The following ITGBL1 variants were observed in gnomAD, a reference collection of about 807,000 sequenced individuals.
The protein encoded by ITGBL1 is integrin beta-like protein 1.
ITGBL1 carries 51 observed loss-of-function variants against 68.5 expected under a neutral mutation model. That is an observed-to-expected ratio of 0.74 (90% CI 0.59 to 0.94). The LOEUF (loss-of-function observed/expected upper bound fraction) is 0.94. Among genes scored for constraint, ITGBL1 ranks in the 40% least tolerant of loss-of-function variants. ITGBL1 has a pLI of 0.00. For synonymous variants in ITGBL1, 209 were observed against 227.3 expected, an observed-to-expected ratio of 0.92 and a Z score of 0.72; for missense variants, 649 against 647.4, an observed-to-expected ratio of 1.00 and a Z score of -0.03.
intron 7 of ITGBL1, among the ~76,000 whole-genome samples, chr13:101,623,606 C>T (rs2031668727): frequency 6.6e-6 from 1 of 152,136 alleles, no homozygotes; most frequent in Non-Finnish European, 1.5e-5. Context: ...ACTCAAATCT[C>T]CTGTTGACTT....
chr13:101,692,420 C>T (rs2033900307), intron 7 of ITGBL1, among the ~76,000 whole-genome samples, 165 bp from the exon 8 acceptor site: 1 of 152,150 alleles, frequency 6.6e-6, no homozygotes, highest in South Asian at 2.1e-4. Context: ...TCTTGAACTT[C>T]AGCTTACCTT....
At chr13:101,534,828 T>A (rs571997084) in intron 2 of ITGBL1, among the ~76,000 whole-genome samples, 1 of 152,082 alleles carries the variant, frequency 6.6e-6, no homozygotes, top group Non-Finnish European at 1.5e-5. Context: ...AATCTGCACA[T>A]AAGTACAATT....
At chr13:101,461,904 G>T (rs2048323387) in intron 2 of ITGBL1, among the ~76,000 whole-genome samples, 1 of 152,160 alleles carries the variant, frequency 6.6e-6, no homozygotes, top group Non-Finnish European at 1.5e-5. Context: ...AGTTCTGTAG[G>T]TCTCAAGGTC....
At chr13:101,549,079 T>C (rs2049876816) in intron 2 of ITGBL1, among the ~76,000 whole-genome samples, 1 of 151,890 alleles carries the variant, frequency 6.6e-6, no homozygotes, top group African/African-American at 2.4e-5. Flanking sequence ...CATAAGATTA[T>C]ACAGAGTTGA....
At position 101,600,697 on chromosome 13, in the gene ITGBL1, A is replaced by G. The variant is rs564967680; in HGVS notation, c.1015+2398A>G. 5.2e-4 allele frequency among the ~76,000 whole-genome samples: 79 copies of G among 152,188 alleles called. No individual in the cohort carries two copies. In the South Asian group the frequency reaches 0.014, roughly 28 times the overall value. On this transcript the variant is annotated intron_variant, in intron 7 of 10. Coordinates refer to ENST00000376180, the MANE Select transcript of ITGBL1 (RefSeq NM_004791.3). Reference sequence around the variant, plus strand: ...CTTTTCTGCATGTATTGAGATAATCATGTGATTTTTGTCTTTGGTTCTGTT... The same window carrying G: ...CTTTTCTGCATGTATTGAGATAATCGTGTGATTTTTGTCTTTGGTTCTGTT...
intron 2 of ITGBL1, among the ~76,000 whole-genome samples, chr13:101,503,293 C>G (rs1264637931): frequency 2.0e-5 from 3 of 152,136 alleles, no homozygotes; most frequent in African/African-American, 7.2e-5. Flanking sequence ...TACTCAGGGT[C>G]AGGGAGTGGT....
intron 7 of ITGBL1, 23 bp from the exon 8 acceptor site, chr13:101,692,562 T>C: frequency 6.6e-7 from 1 of 1,507,184 alleles, no homozygotes. Flanking sequence ...CTCATAAGTG[T>C]GCACTTTCTT....
chr13:101,579,385 C>A lies in ITGBL1; in HGVS notation c.685C>A (p.Arg229=), dbSNP rs768886776. ...CGATATCACCCCCTGGGAAAGCAAG[C>A]GAAGATGCACGTCTCCAGATGGCAA... ...QCDITPWESK[R]RCTSPDGKIC... The change falls in exon 5 of 11, where the codon CGA becomes AGA. Residue 229 remains arginine (R), a synonymous_variant. Transcript: ENST00000376180. The A allele has an allele frequency of 3.1e-6, 5 of 1,613,744 alleles. No homozygotes were observed. In the East Asian group the frequency reaches 6.7e-5, roughly 22 times the overall value.
chr13:101,719,490 C>G (rs1050153915), downstream of ITGBL1: 1 of 152,080 alleles, frequency 6.6e-6, no homozygotes, highest in Non-Finnish European at 1.5e-5. Context: ...CCATTTTGCT[C>G]TTTACATAGG....
chr13:101,521,450 G>A lies in ITGBL1; in HGVS notation c.317-46249G>A, dbSNP rs575297019. Among the ~76,000 whole-genome samples the A allele has an allele frequency of 8.5e-5, 13 of 152,290 alleles. No individual in the cohort carries two copies. The South Asian group carries it at 2.5e-3, about 29-fold the overall frequency. Reference sequence around the variant, plus strand: ...GCCGATGAGAAGCAATTTTAAATTGGGTTGCCAGGGAAGGCCTGCAAATCC... The same window carrying A: ...GCCGATGAGAAGCAATTTTAAATTGAGTTGCCAGGGAAGGCCTGCAAATCC... On this transcript the variant is annotated intron_variant, in intron 2 of 10. Coordinates refer to ENST00000376180, the MANE Select transcript of ITGBL1 (RefSeq NM_004791.3).
chr13:101,576,682 G>A (rs769413739), intron 4 of ITGBL1, among the ~76,000 whole-genome samples: 3 of 152,144 alleles, frequency 2.0e-5, no homozygotes, highest in Non-Finnish European at 2.9e-5. Context: ...CATTTCGGTA[G>A]CTTCAATTCC....
At chr13:101,509,695 A>G (rs2049084550) in intron 2 of ITGBL1, among the ~76,000 whole-genome samples, 1 of 152,162 alleles carries the variant, frequency 6.6e-6, no homozygotes, top group Non-Finnish European at 1.5e-5. Flanking sequence ...GGTTTTAGTG[A>G]TGCACAAAGC....
intron 10 of ITGBL1, 100 bp downstream of exon 10, chr13:101,714,651 C>A: frequency 1.3e-6 from 1 of 742,436 alleles, no homozygotes; most frequent in Non-Finnish European, 2.4e-6. Context: ...CCAACAGGGC[C>A]AACCGTGAAT....
chr13:101,719,290 G>A (rs903274789), downstream of ITGBL1: 1 of 152,034 alleles, frequency 6.6e-6, no homozygotes, highest in African/African-American at 2.4e-5. Context: ...TTAAGCAAGT[G>A]GCTAGGTATG....
At chr13:101,664,385 A>G (rs1444331410) in intron 7 of ITGBL1, among the ~76,000 whole-genome samples, 2 of 152,212 alleles carry the variant, frequency 1.3e-5, no homozygotes, top group Non-Finnish European at 2.9e-5. Context: ...ATCTTGAATC[A>G]AATTATTTAC....
chr13:101,519,150 T>G (rs2049242887), intron 2 of ITGBL1, among the ~76,000 whole-genome samples: 1 of 152,072 alleles, frequency 6.6e-6, no homozygotes, highest in African/African-American at 2.4e-5. Flanking sequence ...CTGGAAATAT[T>G]TTGAAAATAA....
At chr13:101,554,625 C>T (rs2049975917) in intron 2 of ITGBL1, among the ~76,000 whole-genome samples, 1 of 152,212 alleles carries the variant, frequency 6.6e-6, no homozygotes, top group Admixed American at 6.5e-5. Flanking sequence ...TTAACAGCCA[C>T]AAGTGCCTTA....
chr13:101,674,769 C>T (rs1297779117), intron 7 of ITGBL1, among the ~76,000 whole-genome samples: 4 of 151,892 alleles, frequency 2.6e-5, no homozygotes, highest in African/African-American at 9.7e-5. Flanking sequence ...TATGTTATTT[C>T]TGTATCCATG....
At chr13:101,518,663 A>G (rs908789902) in intron 2 of ITGBL1, among the ~76,000 whole-genome samples, 1 of 152,202 alleles carries the variant, frequency 6.6e-6, no homozygotes, top group Non-Finnish European at 1.5e-5. Flanking sequence ...TCCCCCAGGT[A>G]TGTATAATAT....
Sources: allele counts gnomAD v4.1 joint callset (sites outside exome capture counted in the v4.1 genomes callset), GRCh38; gene constraint gnomAD v4.1.1; transcripts MANE v1.5; gene names NCBI Gene and HGNC (gene_info 2026-07-23, HGNC 2026-07-21).